The following FMN1 variants were observed in gnomAD, a reference collection of about 807,000 sequenced individuals.
FMN1 encodes formin-1.
Under a neutral mutation model 132.4 loss-of-function variants are expected in FMN1, and 110 were observed. The observed-to-expected ratio is 0.83, with a 90% CI of 0.71 to 0.97. The LOEUF (loss-of-function observed/expected upper bound fraction) is 0.97. Among genes scored for constraint, FMN1 ranks in the 50% least tolerant of loss-of-function variants. The pLI, the probability that FMN1 is intolerant of heterozygous loss-of-function variation, is 0.00. For synonymous variants in FMN1, 722 were observed against 651.7 expected, an observed-to-expected ratio of 1.11 and a Z score of -1.64; for missense variants, 1,792 against 1,705.3, an observed-to-expected ratio of 1.05 and a Z score of -0.90.
At chr15:33,092,585 G>A (rs2038942985) in intron 4 of FMN1, among the ~76,000 whole-genome samples, 2 of 152,132 alleles carry the variant, frequency 1.3e-5, no homozygotes, top group Admixed American at 6.6e-5. Flanking sequence ...ATGAGACGTG[G>A]AACATCTGTC....
At chr15:32,936,358 C>T (rs1269676490) in intron 9 of FMN1, among the ~76,000 whole-genome samples, 1 of 152,138 alleles carries the variant, frequency 6.6e-6, no homozygotes, top group Non-Finnish European at 1.5e-5. Context: ...CAGTGAAAGA[C>T]CTTTGCCAAT....
intron 9 of FMN1, among the ~76,000 whole-genome samples, chr15:32,957,364 G>T (rs2029923975): frequency 7.1e-6 from 1 of 139,964 alleles, no homozygotes; most frequent in African/African-American, 2.7e-5. Context: ...AATGAAGGTG[G>T]ATTTCTGGCT....
At chr15:33,079,672 G>C (rs1303892906) in intron 5 of FMN1, among the ~76,000 whole-genome samples, 3 of 152,244 alleles carry the variant, frequency 2.0e-5, no homozygotes, top group Non-Finnish European at 4.4e-5. Context: ...CTTTCAATTT[G>C]TAGAGAAGTG....
chr15:33,063,505 T>C (rs1199224595), intron 6 of FMN1: 1 of 152,232 alleles, frequency 6.6e-6, no homozygotes, highest in Non-Finnish European at 1.5e-5. Context: ...TTACTGCTTT[T>C]TCTAAACCCC....
At chr15:32,848,614 T>C (rs1380808452) in intron 17 of FMN1, among the ~76,000 whole-genome samples, 1 of 152,152 alleles carries the variant, frequency 6.6e-6, no homozygotes, top group South Asian at 2.1e-4. Flanking sequence ...CAATTCTAGG[T>C]TCAGGTGGCT....
intron 9 of FMN1, 107 bp from the exon 10 acceptor site, chr15:32,926,368 C>G (rs2060961654): frequency 1.6e-6 from 1 of 610,532 alleles, no homozygotes; most frequent in East Asian, 2.9e-5. Context: ...GATTGATGAA[C>G]TAAATTGATG....
chr15:33,017,406 G>A (rs1044448373), intron 6 of FMN1, among the ~76,000 whole-genome samples: 1 of 123,452 alleles, frequency 8.1e-6, no homozygotes, highest in African/African-American at 3.1e-5. Flanking sequence ...TGTGGGCGCA[G>A]TAGACGGTGA....
At chr15:33,188,724 T>A (rs1471856801) in intron 2 of FMN1, among the ~76,000 whole-genome samples, 1 of 150,668 alleles carries the variant, frequency 6.6e-6, no homozygotes, top group Non-Finnish European at 1.5e-5. Context: ...AGAAACTGAG[T>A]CTGAGAGTTG....
At chr15:33,007,102 GAC>G (rs1183018729) in intron 7 of FMN1, among the ~76,000 whole-genome samples, 3 of 152,084 alleles carry the variant, frequency 2.0e-5, no homozygotes, top group Non-Finnish European at 2.9e-5. Flanking sequence ...ATGTATGTGA[GAC>G]AAAGTATATA....
chr15:33,050,671 T>C (rs1393325707), intron 6 of FMN1, among the ~76,000 whole-genome samples: 2 of 152,240 alleles, frequency 1.3e-5, no homozygotes, highest in African/African-American at 2.4e-5. Flanking sequence ...GCCAACTGTG[T>C]AGTATCTACC....
chr15:32,934,099 T>C (rs935983778), intron 9 of FMN1, among the ~76,000 whole-genome samples: 1 of 152,078 alleles, frequency 6.6e-6, no homozygotes, highest in African/African-American at 2.4e-5. Context: ...GTGACTTGCT[T>C]TGATTCTTTT....
At chr15:33,123,323 T>C (rs1962744017) in intron 4 of FMN1, among the ~76,000 whole-genome samples, 1 of 152,110 alleles carries the variant, frequency 6.6e-6, no homozygotes, top group Non-Finnish European at 1.5e-5. Flanking sequence ...CTTCCATAGC[T>C]TTTCACCATC....
intron 3 of FMN1, among the ~76,000 whole-genome samples, chr15:33,174,661 C>G (rs1041423656): frequency 1.3e-5 from 2 of 152,160 alleles, no homozygotes; most frequent in African/African-American, 2.4e-5. Flanking sequence ...AGGGATCAAT[C>G]AAGTGTTTCT....
chr15:32,916,343 T>C (rs1300595813), intron 10 of FMN1, among the ~76,000 whole-genome samples: 4 of 152,212 alleles, frequency 2.6e-5, no homozygotes, highest in Non-Finnish European at 4.4e-5. Context: ...ACCATGCCCA[T>C]ATAAACAAAG....
At chr15:33,096,176 C>G (rs1302691743) in intron 4 of FMN1, among the ~76,000 whole-genome samples, 1 of 152,124 alleles carries the variant, frequency 6.6e-6, no homozygotes, top group Non-Finnish European at 1.5e-5. Flanking sequence ...TCCCTGATGG[C>G]TGACAGAAGT....
At chr15:33,185,098 A>C (rs548493399) in intron 2 of FMN1, among the ~76,000 whole-genome samples, 27 of 152,334 alleles carry the variant, frequency 1.8e-4, no homozygotes, top group African/African-American at 6.5e-4. Flanking sequence ...TGTTTAAAGC[A>C]TGATTATTGA....
chr15:33,063,884 C>T (rs1335271979), intron 6 of FMN1: 1 of 152,106 alleles, frequency 6.6e-6, no homozygotes, highest in East Asian at 1.9e-4. Context: ...TTTGGAAAAT[C>T]AAATGTGGGA....
At chr15:33,030,427 C>CT (rs2035883090) in intron 6 of FMN1, among the ~76,000 whole-genome samples, 1 of 152,212 alleles carries the variant, frequency 6.6e-6, no homozygotes, top group Non-Finnish European at 1.5e-5. Flanking sequence ...AATCACGTCA[C>CT]TCTGTGGATC....
intron 5 of FMN1, chr15:33,066,427 T>C: frequency 8.8e-7 from 1 of 1,141,332 alleles, no homozygotes; most frequent in Non-Finnish European, 1.2e-6. Context: ...AACAGGCAAC[T>C]AGGATTCACT....
Sources: gnomAD v4.1 joint callset for allele counts (sites outside exome capture counted in the v4.1 genomes callset) on GRCh38, gnomAD v4.1.1 for gene constraint, MANE v1.5 for transcripts, NCBI Gene and HGNC (gene_info 2026-07-23, HGNC 2026-07-21) for gene names.